Variants in SGCZ observed in about 807,000 individuals in gnomAD.
SGCZ encodes sarcoglycan zeta.
A neutral mutation model predicts 41.3 loss-of-function variants in SGCZ; 40 were observed. The ratio of observed to expected loss-of-function variants is 0.97; its 90% CI spans 0.75 to 1.26. The LOEUF (loss-of-function observed/expected upper bound fraction) is 1.26. SGCZ is among the 50% of genes most tolerant of loss of function. The probability of loss-of-function intolerance (pLI) is 0.00; values close to 1 mark genes in which losing one functional copy is unlikely to be tolerated. For missense variants in SGCZ, 552 were observed against 369.8 expected (o/e 1.49, Z -4.04); for synonymous variants, 206 against 137.5 (o/e 1.50, Z -3.49).
chr8:14,258,540 C>T (rs1007755642), intron 3 of SGCZ, among the ~76,000 whole-genome samples: 1 of 152,088 alleles, frequency 6.6e-6, no homozygotes, highest in Admixed American at 6.6e-5. Context: ...AGAAATATAA[C>T]AGAAGATTTG....
At chr8:15,135,900 G>A (rs1235757634) in intron 1 of SGCZ, among the ~76,000 whole-genome samples, 1 of 152,186 alleles carries the variant, frequency 6.6e-6, no homozygotes, top group African/African-American at 2.4e-5. Context: ...TAGCAGCTCA[G>A]GGGCAGTTGC....
chr8:14,214,670 T>C (rs950292212), intron 4 of SGCZ, among the ~76,000 whole-genome samples: 1 of 151,528 alleles, frequency 6.6e-6, no homozygotes, highest in Non-Finnish European at 1.5e-5. Context: ...ATTGAAAGTA[T>C]GGAAAATGTG....
intron 1 of SGCZ, among the ~76,000 whole-genome samples, chr8:15,137,581 A>T (rs1456128291): frequency 6.6e-6 from 1 of 152,154 alleles, no homozygotes; most frequent in Non-Finnish European, 1.5e-5. Context: ...CCTGTGTCCC[A>T]GATGCTCCAG....
chr8:14,775,844 G>C (rs1424070476), intron 1 of SGCZ, among the ~76,000 whole-genome samples: 6 of 152,120 alleles, frequency 3.9e-5, no homozygotes, highest in East Asian at 1.9e-4. Context: ...AGTGCAAACA[G>C]AACATCTTTA....
In SGCZ at chr8:15,237,723, A is replaced by T; in HGVS notation, c.-100T>A. The T allele has an allele frequency of 7.7e-7, 1 of 1,292,098 alleles. No individual in the cohort carries two copies. 80.0% of individuals were successfully genotyped at this position (1,292,098 alleles called of 1,614,324 possible). On this transcript the variant is annotated 5_prime_UTR_variant, in exon 1 of 8. Coordinates refer to ENST00000382080, the MANE Select transcript of SGCZ (RefSeq NM_139167.4). ...CTTAAACTCAGCTTTATCCTCCTCCAAGCCCCGGCAGCTCCTCTCAGTCTC... is the reference window on the plus strand; with the variant it reads ...CTTAAACTCAGCTTTATCCTCCTCCTAGCCCCGGCAGCTCCTCTCAGTCTC...
chr8:14,423,877 T>TTTCCTTCC (rs1799704718), intron 2 of SGCZ, among the ~76,000 whole-genome samples: 1 of 152,166 alleles, frequency 6.6e-6, no homozygotes, highest in Non-Finnish European at 1.5e-5. Context: ...TTTTCCTTTT[T>TTTCCTTCC]TTCCTTCCTT....
chr8:14,888,403 A>T (rs976342415), intron 1 of SGCZ, among the ~76,000 whole-genome samples: 1 of 152,170 alleles, frequency 6.6e-6, no homozygotes, highest in Non-Finnish European at 1.5e-5. Flanking sequence ...ACCCTCTTGC[A>T]CTTGAACCGT....
intron 1 of SGCZ, among the ~76,000 whole-genome samples, chr8:14,821,626 C>T (rs963828234): frequency 4.6e-5 from 7 of 151,878 alleles, no homozygotes; most frequent in East Asian, 1.9e-4. Context: ...TATGATCAGG[C>T]GAACCTGATT....
rs1371845603 is a variant in SGCZ, at chr8:15,213,506, T to C, written c.39+24079A>G. Among the ~76,000 whole-genome samples, 14 of 151,464 alleles carry C rather than the reference T, an allele frequency of 9.2e-5. 1 individual carries two copies. The highest frequency in any genetic ancestry group is 9.2e-4 in the Admixed American group (14 of 15,236). On this transcript the variant is annotated intron_variant, in intron 1 of 7. Coordinates refer to ENST00000382080, the MANE Select transcript of SGCZ (RefSeq NM_139167.4). ...AGGCTTTTTAGTATCAATAATTATA[T>C]TAAATATTAAAAACCTGTCTAGTAT...
intron 2 of SGCZ, among the ~76,000 whole-genome samples, chr8:14,457,630 C>T (rs538565215): frequency 1.7e-4 from 26 of 152,298 alleles, no homozygotes; most frequent in African/African-American, 6.0e-4. Context: ...TTCCAGATAG[C>T]AGTAGTAAAT....
intron 2 of SGCZ, among the ~76,000 whole-genome samples, chr8:14,461,981 G>A (rs1392490007): frequency 6.6e-6 from 1 of 151,896 alleles, no homozygotes; most frequent in African/African-American, 2.4e-5. Context: ...TAGGCATTTG[G>A]AAAAGACTTT....
intron 1 of SGCZ, among the ~76,000 whole-genome samples, chr8:15,159,124 A>G (rs1462921026): frequency 2.0e-5 from 3 of 152,154 alleles, no homozygotes; most frequent in African/African-American, 7.2e-5. Context: ...TTGATTATCA[A>G]TGGCCAATGA....
At chr8:14,443,632 C>T (rs1800341395) in intron 2 of SGCZ, among the ~76,000 whole-genome samples, 1 of 152,140 alleles carries the variant, frequency 6.6e-6, no homozygotes, top group African/African-American at 2.4e-5. Flanking sequence ...AACTGGATCC[C>T]TTCCTTACAC....
At chr8:14,314,054 A>G (rs909637123) in intron 3 of SGCZ, among the ~76,000 whole-genome samples, 18 of 151,972 alleles carry the variant, frequency 1.2e-4, no homozygotes, top group African/African-American at 4.1e-4. Context: ...ATTTTTTTGT[A>G]AGGCTTCAGT....
At chr8:15,220,085 C>T (rs796590436) in intron 1 of SGCZ, among the ~76,000 whole-genome samples, 2 of 152,106 alleles carry the variant, frequency 1.3e-5, no homozygotes, top group African/African-American at 4.8e-5. Context: ...AAAATAATTT[C>T]AAGAACAAAT....
chr8:14,655,841 T>TCA (rs1313567811), intron 1 of SGCZ, among the ~76,000 whole-genome samples: 4 of 152,098 alleles, frequency 2.6e-5, no homozygotes, highest in Non-Finnish European at 5.9e-5. Flanking sequence ...TTTAGGAGTG[T>TCA]TACATAATTG....
intron 1 of SGCZ, among the ~76,000 whole-genome samples, chr8:15,012,887 G>C (rs962499371): frequency 2.7e-5 from 4 of 150,568 alleles, no homozygotes; most frequent in African/African-American, 9.8e-5. Flanking sequence ...TCATTTGTAA[G>C]GCCAGAAGAT....
intron 4 of SGCZ, among the ~76,000 whole-genome samples, chr8:14,230,765 G>A (rs200251195): frequency 6.7e-6 from 1 of 148,994 alleles, no homozygotes; most frequent in Admixed American, 6.7e-5. Flanking sequence ...TTTGGTGGTG[G>A]TGGGGGGGTG....
At chr8:14,821,343 G>C (rs570158816) in intron 1 of SGCZ, among the ~76,000 whole-genome samples, 1 of 152,042 alleles carries the variant, frequency 6.6e-6, no homozygotes, top group Non-Finnish European at 1.5e-5. Flanking sequence ...TCTCATCAAA[G>C]TATAGCCAGG....
Sources: gnomAD v4.1 joint callset for allele counts (sites outside exome capture counted in the v4.1 genomes callset) on GRCh38, gnomAD v4.1.1 for gene constraint, MANE v1.5 for transcripts, NCBI Gene and HGNC (gene_info 2026-07-23, HGNC 2026-07-21) for gene names.